The following PTDSS1 variants were observed in gnomAD, a reference collection of about 807,000 sequenced individuals.
PTDSS1 encodes the protein PSS-1.
A neutral mutation model predicts 70.5 loss-of-function variants in PTDSS1; 45 were observed. That is an observed-to-expected ratio of 0.64 (90% CI 0.50 to 0.82). The LOEUF is 0.82. Among genes scored for constraint, PTDSS1 ranks in the 40% least tolerant of loss-of-function variants. The pLI is 0.00. For synonymous variants in PTDSS1, 188 were observed against 203.8 expected (o/e 0.92, Z 0.66); for missense variants, 417 against 586.1 (o/e 0.71, Z 2.98).
intron 1 of PTDSS1, among the ~76,000 whole-genome samples, chr8:96,271,720 A>T (rs1343896563): frequency 6.6e-6 from 1 of 152,208 alleles, no homozygotes; most frequent in African/African-American, 2.4e-5. Flanking sequence ...CTCAGTCATT[A>T]AAGTTTTACC....
Position 96,335,227 on chromosome 8 carries a change from T to G in PTDSS1, c.*1661T>G, listed in dbSNP as rs1423121055. 1 of 152,258 alleles carries G rather than the reference T, an allele frequency of 6.6e-6. No homozygotes were observed. The highest frequency in any genetic ancestry group is 1.5e-5 in the Non-Finnish European group (1 of 68,036). The allele number at this position is 152,258 out of a possible 1,614,324, so 9.4% of individuals were successfully genotyped here. On this transcript the variant is annotated 3_prime_UTR_variant, in exon 13 of 13. Transcript: ENST00000517309. ...GGCAAAGTGCGTGTTTCATAAAACC[T>G]GCCTGCACTTTTATAACCCATCAAA...
intron 4 of PTDSS1, among the ~76,000 whole-genome samples, chr8:96,291,489 GAAC>G (rs1810903137): frequency 6.8e-6 from 1 of 147,550 alleles, no homozygotes; most frequent in African/African-American, 2.5e-5. Context: ...ACTGAACAGT[GAAC>G]AGTACGCAGT....
intron 10 of PTDSS1, among the ~76,000 whole-genome samples, chr8:96,322,480 T>A (rs1246252022): frequency 1.3e-5 from 2 of 151,994 alleles, no homozygotes; most frequent in African/African-American, 4.8e-5. Context: ...ACTCCCACGA[T>A]CACTAAATCA....
At chr8:96,285,912 A>G (rs994432367) in intron 3 of PTDSS1, among the ~76,000 whole-genome samples, 11 of 152,182 alleles carry the variant, frequency 7.2e-5, no homozygotes, top group Non-Finnish European at 2.9e-5. Flanking sequence ...TGGGTGGTGC[A>G]TAAGTGCAAA....
Position 96,273,370 on chromosome 8 carries a change from G to A in PTDSS1, c.251G>A (p.Ser84Asn), listed in dbSNP as rs1453664601. ...GTTATTTTCTTCTTTCTTATCATCAGTGTGTTAGCTTTCCCCAATGGTAAG... is the reference window on the plus strand; with the variant it reads ...GTTATTTTCTTCTTTCTTATCATCAATGTGTTAGCTTTCCCCAATGGTAAG... Reference protein sequence around the residue: ...LSVIFFFLIISVLAFPNGPFT... With the variant: ...LSVIFFFLIINVLAFPNGPFT... Residue 84 changes from serine (S) to asparagine (N), a missense_variant, in exon 2 of 13, where the codon AGT (serine) becomes AAT (asparagine). Coordinates refer to ENST00000517309, the MANE Select transcript of PTDSS1 (RefSeq NM_014754.3). 2.5e-6 allele frequency: 4 copies of A among 1,611,964 alleles called. No homozygotes were observed. Among genetic ancestry groups the A allele is most frequent in the Non-Finnish European group, 3.4e-6 (4 of 1,178,916 alleles).
intron 9 of PTDSS1, among the ~76,000 whole-genome samples, chr8:96,319,529 CTT>C (rs1811345444): frequency 1.3e-5 from 2 of 151,872 alleles, no homozygotes; most frequent in South Asian, 4.2e-4. Context: ...TTAGCACAAT[CTT>C]TTACAGATCA....
At chr8:96,301,502 T>G (rs1278266971) in intron 6 of PTDSS1, among the ~76,000 whole-genome samples, 1 of 152,094 alleles carries the variant, frequency 6.6e-6, no homozygotes, top group East Asian at 1.9e-4. Flanking sequence ...CTTCTAGTTC[T>G]TTTGTTTTTT....
chr8:96,333,356 G>A, intron 12 of PTDSS1, 101 bp from the exon 13 acceptor site: 1 of 999,008 alleles, frequency 1.0e-6, no homozygotes, highest in Non-Finnish European at 1.6e-6. Context: ...GCACGTATCA[G>A]GGAAGAACCT....
rs528867641 is a variant in PTDSS1 at position 96,330,318 on chromosome 8, A to G, written c.1242+37A>G. On this transcript the variant is annotated intron_variant, in intron 11 of 12. Transcript: ENST00000517309. ...GAGGCAGGCATGGCCATTGTTTAAAATAATCACCCCGGGCTCGGCAAATTC... is the reference window on the plus strand; with the variant it reads ...GAGGCAGGCATGGCCATTGTTTAAAGTAATCACCCCGGGCTCGGCAAATTC... 8.2e-5 allele frequency: 129 copies of G among 1,572,044 alleles called. No individual in the cohort carries two copies. In the South Asian group the frequency reaches 8.9e-4, roughly 11 times the overall value.
chr8:96,291,829 G>T (rs1170323750), intron 4 of PTDSS1, among the ~76,000 whole-genome samples: 1 of 152,020 alleles, frequency 6.6e-6, no homozygotes, highest in Admixed American at 6.6e-5. Context: ...TTTTATAGTG[G>T]GACTGCTTCA....
At chr8:96,302,195 C>A (rs1340495334) in intron 6 of PTDSS1, among the ~76,000 whole-genome samples, 1 of 151,938 alleles carries the variant, frequency 6.6e-6, no homozygotes, top group African/African-American at 2.4e-5. Context: ...CCACACCCAG[C>A]TAATTTTTGT....
intron 7 of PTDSS1, 127 bp downstream of exon 7, chr8:96,304,308 G>A: frequency 5.3e-6 from 6 of 1,126,666 alleles, no homozygotes; most frequent in Non-Finnish European, 7.3e-6. Context: ...ATAATATTCT[G>A]CAGCTGGCAT....
chr8:96,274,071 C>T (rs746349152), intron 2 of PTDSS1, among the ~76,000 whole-genome samples: 40 of 151,986 alleles, frequency 2.6e-4, no homozygotes, highest in Non-Finnish European at 4.4e-4. Context: ...CTTTCAGTAC[C>T]TTTCCACTAG....
intron 10 of PTDSS1, 136 bp downstream of exon 10, chr8:96,320,481 C>T: frequency 1.3e-6 from 1 of 769,986 alleles, no homozygotes; most frequent in Non-Finnish European, 2.1e-6. Flanking sequence ...TTGTAATTGT[C>T]TGAGACTGGC....
chr8:96,330,344 G>C, intron 11 of PTDSS1, 63 bp downstream of exon 11: 1 of 1,493,306 alleles, frequency 6.7e-7, no homozygotes, highest in East Asian at 2.3e-5. Flanking sequence ...CGGCAAATTC[G>C]CTCAGAGCAC....
Position 96,276,831 on chromosome 8 carries a change from T to C in PTDSS1, c.271+3441T>C, listed in dbSNP as rs1810649189. On this transcript the variant is annotated intron_variant, in intron 2 of 12. Coordinates refer to ENST00000517309, the MANE Select transcript of PTDSS1 (RefSeq NM_014754.3). Reference sequence around the variant, plus strand: ...ACAAAGGAGGTGGGTGGTGACTGAGTTGATGCTCCTCTGTTGCTCATGTGT... The same window carrying C: ...ACAAAGGAGGTGGGTGGTGACTGAGCTGATGCTCCTCTGTTGCTCATGTGT... Among the ~76,000 whole-genome samples, 4 of 152,262 alleles carry C rather than the reference T, an allele frequency of 2.6e-5. No homozygotes were observed. The South Asian group carries it at 8.3e-4, about 32-fold the overall frequency.
intron 1 of PTDSS1, among the ~76,000 whole-genome samples, chr8:96,270,923 G>A (rs548655692): frequency 6.6e-6 from 1 of 152,160 alleles, no homozygotes; most frequent in African/African-American, 2.4e-5. Flanking sequence ...TACCCATTTA[G>A]TTATAAATTT....
chr8:96,296,509 G>A (rs1335659788), intron 5 of PTDSS1, among the ~76,000 whole-genome samples: 3 of 152,164 alleles, frequency 2.0e-5, no homozygotes, highest in Non-Finnish European at 4.4e-5. Context: ...TGGATTAGCA[G>A]CTCACTGTAC....
At chr8:96,271,764 T>A (rs1374662993) in intron 1 of PTDSS1, among the ~76,000 whole-genome samples, 1 of 152,260 alleles carries the variant, frequency 6.6e-6, no homozygotes, top group Non-Finnish European at 1.5e-5. Context: ...AAACAGTTTC[T>A]ATTTTAACTT....
Sources: allele counts gnomAD v4.1 joint callset (sites outside exome capture counted in the v4.1 genomes callset), GRCh38; gene constraint gnomAD v4.1.1; transcripts MANE v1.5; gene names NCBI Gene and HGNC (gene_info 2026-07-23, HGNC 2026-07-21).